Variants in RELN observed in about 807,000 individuals in gnomAD.
The protein encoded by RELN is reelin.
Under a neutral mutation model 427.6 loss-of-function variants are expected in RELN, and 108 were observed. The ratio of observed to expected loss-of-function variants is 0.25; its 90% CI spans 0.22 to 0.30. RELN has a LOEUF of 0.30. Ranked by LOEUF, RELN falls within the 10% of genes least tolerant of loss-of-function variation. The pLI, the probability that RELN is intolerant of heterozygous loss-of-function variation, is 1.00. For synonymous variants in RELN, 1,524 were observed against 1,513.4 expected (o/e 1.01, Z -0.16); for missense variants, 3,715 against 4,302.8 (o/e 0.86, Z 3.82).
At chr7:103,659,982 C>A (rs1833102873) in intron 12 of RELN, among the ~76,000 whole-genome samples, 2 of 151,910 alleles carry the variant, frequency 1.3e-5, no homozygotes, top group Non-Finnish European at 1.5e-5. Context: ...AAATCAATTC[C>A]CCATCATAGT....
At chr7:103,911,604 C>G (rs1483752643) in intron 2 of RELN, among the ~76,000 whole-genome samples, 2 of 151,228 alleles carry the variant, frequency 1.3e-5, no homozygotes, top group Admixed American at 1.3e-4. Context: ...GGAACCAACC[C>G]AAAAGTCCAA....
intron 3 of RELN, among the ~76,000 whole-genome samples, chr7:103,829,696 A>C (rs1184209863): frequency 6.6e-6 from 1 of 151,976 alleles, no homozygotes; most frequent in African/African-American, 2.4e-5. Context: ...ATACACAGGC[A>C]GCCCAAATGA....
chr7:103,818,292 AAAAT>A (rs953019613), intron 3 of RELN, among the ~76,000 whole-genome samples: 8 of 152,226 alleles, frequency 5.3e-5, no homozygotes, highest in Non-Finnish European at 8.8e-5. Flanking sequence ...TGTGCCTTAC[AAAAT>A]AAACATTTAA....
chr7:103,783,921 T>C (rs190074419), intron 3 of RELN, among the ~76,000 whole-genome samples: 1 of 152,300 alleles, frequency 6.6e-6, no homozygotes, highest in Admixed American at 6.5e-5. Context: ...TGATTTTGCA[T>C]TGAAATAAAG....
intron 51 of RELN, among the ~76,000 whole-genome samples, chr7:103,506,098 A>C (rs1057211524): frequency 1.3e-5 from 2 of 152,242 alleles, no homozygotes; most frequent in Non-Finnish European, 2.9e-5. Context: ...GAAAAGACCA[A>C]ATCTATGTTT....
intron 4 of RELN, among the ~76,000 whole-genome samples, chr7:103,773,132 CTTTCTT>C (rs1200198581): frequency 1.0e-5 from 1 of 97,812 alleles, no homozygotes; most frequent in Non-Finnish European, 2.3e-5. Flanking sequence ...TTCTTTCTTT[CTTTCTT>C]TCTTTCTTTC....
At chr7:103,934,982 C>T (rs151172472) in intron 1 of RELN, among the ~76,000 whole-genome samples, 3 of 152,250 alleles carry the variant, frequency 2.0e-5, no homozygotes, top group Non-Finnish European at 4.4e-5. Context: ...AGTGCAAAGC[C>T]AAAGACATCT....
intron 4 of RELN, among the ~76,000 whole-genome samples, chr7:103,754,150 A>T (rs1791073506): frequency 6.6e-6 from 1 of 152,114 alleles, no homozygotes; most frequent in Non-Finnish European, 1.5e-5. Context: ...AGTGTAAAGT[A>T]CATACTAGAT....
At chr7:103,877,039 TCCCCTA>T (rs1794496154) in intron 2 of RELN, among the ~76,000 whole-genome samples, 1 of 152,038 alleles carries the variant, frequency 6.6e-6, no homozygotes, top group Non-Finnish European at 1.5e-5. Flanking sequence ...TCTGGGATAT[TCCCCTA>T]TGCCCTCACC....
intron 3 of RELN, among the ~76,000 whole-genome samples, chr7:103,790,799 T>C (rs959917160): frequency 1.1e-4 from 17 of 152,018 alleles, no homozygotes; most frequent in African/African-American, 3.6e-4. Context: ...CTGTCTCTAC[T>C]GAAAATACAA....
chr7:103,898,912 T>C (rs1025195653), intron 2 of RELN, among the ~76,000 whole-genome samples: 2 of 152,080 alleles, frequency 1.3e-5, no homozygotes, highest in African/African-American at 4.8e-5. Flanking sequence ...AAGTATTAGA[T>C]GTTTTAAGAT....
At chr7:103,779,533 C>A (rs1272278323) in intron 3 of RELN, among the ~76,000 whole-genome samples, 1 of 152,126 alleles carries the variant, frequency 6.6e-6, no homozygotes, top group Non-Finnish European at 1.5e-5. Context: ...TTTCCTCGGA[C>A]ACAGAGCTAC....
chr7:103,684,535 C>T (rs1358240483), intron 10 of RELN, among the ~76,000 whole-genome samples: 1 of 152,030 alleles, frequency 6.6e-6, no homozygotes, highest in Non-Finnish European at 1.5e-5. Flanking sequence ...CGGAAAAGAA[C>T]AAAAATTGGA....
chr7:103,747,226 C>A (rs494623), intron 6 of RELN, among the ~76,000 whole-genome samples: 31,724 of 146,340 alleles, frequency 0.22, 4,567 homozygotes, highest in African/African-American at 0.42. Flanking sequence ...GAACACATGG[C>A]CACAGGAAGG....
chr7:103,750,891 A>G (rs1407715399), intron 5 of RELN, among the ~76,000 whole-genome samples: 1 of 152,200 alleles, frequency 6.6e-6, no homozygotes, highest in East Asian at 1.9e-4. Context: ...TTGAATACCT[A>G]TTTTTAAGTT....
intron 28 of RELN, among the ~76,000 whole-genome samples, chr7:103,579,176 C>G (rs1221301079): frequency 6.6e-6 from 1 of 152,162 alleles, no homozygotes; most frequent in Non-Finnish European, 1.5e-5. Context: ...CCATGCAACT[C>G]CGACAACCAT....
chr7:103,835,954 C>CTTTTTTTTT (rs10569884), intron 2 of RELN, among the ~76,000 whole-genome samples: 2 of 142,394 alleles, frequency 1.4e-5, no homozygotes, highest in African/African-American at 5.2e-5. Flanking sequence ...CTCAATTACC[C>CTTTTTTTTT]TTTTTTTTTT....
chr7:103,797,064 TA>T (rs1792322228), intron 3 of RELN, among the ~76,000 whole-genome samples: 2 of 152,088 alleles, frequency 1.3e-5, no homozygotes, highest in African/African-American at 4.8e-5. Context: ...TTAAATGTTT[TA>T]TTTGGGAGTC....
At chr7:103,936,221 T>C (rs2116722066) in intron 1 of RELN, among the ~76,000 whole-genome samples, 1 of 151,992 alleles carries the variant, frequency 6.6e-6, no homozygotes, top group Non-Finnish European at 1.5e-5. Flanking sequence ...GCCACCCAAG[T>C]AGCTGGGATA....
Sources: gnomAD v4.1 joint callset for allele counts (sites outside exome capture counted in the v4.1 genomes callset) on GRCh38, gnomAD v4.1.1 for gene constraint, MANE v1.5 for transcripts, NCBI Gene and HGNC (gene_info 2026-07-23, HGNC 2026-07-21) for gene names.